The following ANO10 variants were observed in gnomAD, a reference collection of about 807,000 sequenced individuals.
The protein encoded by ANO10 is anoctamin 10, also known as anoctamin-10.
In ANO10, 77 loss-of-function variants were observed where a neutral mutation model predicts 74.7. The observed-to-expected ratio is 1.03, with a 90% CI of 0.86 to 1.25. ANO10 has a LOEUF of 1.25. ANO10 is among the 50% of genes most tolerant of loss of function. The pLI, the probability that ANO10 is intolerant of heterozygous loss-of-function variation, is 0.00. For synonymous variants in ANO10, 279 were observed against 284.9 expected, an observed-to-expected ratio of 0.98 and a Z score of 0.21; for missense variants, 721 against 778.1, an observed-to-expected ratio of 0.93 and a Z score of 0.87.
chr3:43,613,257 G>A (rs1282333209), intron 1 of ANO10, among the ~76,000 whole-genome samples: 1 of 152,090 alleles, frequency 6.6e-6, no homozygotes, highest in African/African-American at 2.4e-5. Context: ...AACATGCTAG[G>A]TTCAATGAAG....
At chr3:43,466,866 A>G (rs775282544) in intron 11 of ANO10, among the ~76,000 whole-genome samples, 1 of 152,244 alleles carries the variant, frequency 6.6e-6, no homozygotes, top group Non-Finnish European at 1.5e-5. Flanking sequence ...ATATTTGACA[A>G]TTAACTTGTG....
At chr3:43,664,882 A>G (rs1488677438) in intron 1 of ANO10, among the ~76,000 whole-genome samples, 1 of 152,072 alleles carries the variant, frequency 6.6e-6, no homozygotes, top group African/African-American at 2.4e-5. Context: ...GAAACAACAG[A>G]TGCTGGAGAG....
At chr3:43,466,381 A>C (rs2075619703) in intron 11 of ANO10, among the ~76,000 whole-genome samples, 1 of 91,298 alleles carries the variant, frequency 1.1e-5, no homozygotes, top group South Asian at 4.4e-4. Flanking sequence ...AAAAAAAAAA[A>C]AAAAAACAAA....
At chr3:43,457,542 G>T (rs181002056) in intron 11 of ANO10, among the ~76,000 whole-genome samples, 1 of 152,266 alleles carries the variant, frequency 6.6e-6, no homozygotes, top group Admixed American at 6.5e-5. Context: ...AGAACAGTAT[G>T]GGGGAAACCA....
At chr3:43,418,143 G>A (rs1405342813) in intron 12 of ANO10, among the ~76,000 whole-genome samples, 1 of 152,194 alleles carries the variant, frequency 6.6e-6, no homozygotes, top group Non-Finnish European at 1.5e-5. Flanking sequence ...TGGGGGTGGT[G>A]GCAGGTGCCT....
intron 11 of ANO10, among the ~76,000 whole-genome samples, chr3:43,479,745 C>T (rs370769247): frequency 6.6e-6 from 1 of 152,138 alleles, no homozygotes; most frequent in East Asian, 1.9e-4. Context: ...AAAATGATAG[C>T]CCACAGTGCC....
At chr3:43,372,276 G>C (rs1048692119) in intron 12 of ANO10, among the ~76,000 whole-genome samples, 13 of 151,908 alleles carry the variant, frequency 8.6e-5, no homozygotes, top group African/African-American at 3.1e-4. Context: ...CCCTCTACCT[G>C]TCACACACGC....
At chr3:43,667,656 T>C (rs765606249) in intron 1 of ANO10, among the ~76,000 whole-genome samples, 4 of 152,174 alleles carry the variant, frequency 2.6e-5, no homozygotes, top group Non-Finnish European at 4.4e-5. Flanking sequence ...TGCATCCTCA[T>C]AGCTTAGCTC....
At chr3:43,594,875 TAAA>T (rs1337389464) in intron 4 of ANO10, among the ~76,000 whole-genome samples, 13 of 151,250 alleles carry the variant, frequency 8.6e-5, no homozygotes, top group African/African-American at 2.9e-4. Context: ...GCAAGACTAA[TAAA>T]GAAGAAAAGA....
chr3:43,656,490 G>A (rs1346193032), intron 1 of ANO10, among the ~76,000 whole-genome samples: 3 of 152,200 alleles, frequency 2.0e-5, no homozygotes, highest in African/African-American at 4.8e-5. Flanking sequence ...GGTACTCGTC[G>A]GGGAGGCTCG....
chr3:43,409,657 CAT>C (rs1486736987), intron 12 of ANO10, among the ~76,000 whole-genome samples: 2 of 152,172 alleles, frequency 1.3e-5, no homozygotes, highest in African/African-American at 2.4e-5. Flanking sequence ...AAATACAGTT[CAT>C]GTTACTTACA....
chr3:43,593,538 A>C lies in ANO10; in HGVS notation c.472+4994T>G, dbSNP rs58808315. On this transcript the variant is annotated intron_variant, in intron 4 of 12. Coordinates refer to ENST00000292246, the MANE Select transcript of ANO10 (RefSeq NM_018075.5). Reference sequence around the variant, plus strand: ...TTCATAAGTGAAGGACAAATAAAATACTTTACAGACGAGCAAATGCTGAAA... The same window carrying C: ...TTCATAAGTGAAGGACAAATAAAATCCTTTACAGACGAGCAAATGCTGAAA... Among the ~76,000 whole-genome samples the C allele has an allele frequency of 0.012, 1,837 of 152,270 alleles. 162 individuals are homozygous for C. The East Asian group carries it at 0.23, about 19-fold the overall frequency.
At chr3:43,621,420 AGCCTAGTCC>A (rs1334587252) in intron 1 of ANO10, among the ~76,000 whole-genome samples, 2 of 152,080 alleles carry the variant, frequency 1.3e-5, no homozygotes, top group Non-Finnish European at 2.9e-5. Flanking sequence ...GCTTGGAGAC[AGCCTAGTCC>A]GCCCTGATCC....
At chr3:43,601,489 C>A (rs2082335099) in intron 2 of ANO10, among the ~76,000 whole-genome samples, 1 of 152,216 alleles carries the variant, frequency 6.6e-6, no homozygotes, top group Admixed American at 6.5e-5. Context: ...AGCCACAGCG[C>A]CCGGCCTCAA....
intron 1 of ANO10, among the ~76,000 whole-genome samples, chr3:43,689,691 TA>T (rs2084326242): frequency 6.6e-6 from 1 of 152,192 alleles, no homozygotes; most frequent in Admixed American, 6.5e-5. Context: ...CTGTAACAAT[TA>T]CACAAGGCTG....
intron 11 of ANO10, among the ~76,000 whole-genome samples, chr3:43,469,884 G>A (rs1476945259): frequency 6.6e-6 from 1 of 152,154 alleles, no homozygotes; most frequent in Non-Finnish European, 1.5e-5. Flanking sequence ...CAAGGAATTT[G>A]ATCATCTGCT....
chr3:43,528,643 G>C (rs971405180), intron 11 of ANO10, among the ~76,000 whole-genome samples: 2 of 151,814 alleles, frequency 1.3e-5, no homozygotes, highest in African/African-American at 2.4e-5. Context: ...AAAAATAAAA[G>C]AAAAATATGT....
intron 8 of ANO10, among the ~76,000 whole-genome samples, chr3:43,563,850 G>T (rs1158451795): frequency 6.6e-6 from 1 of 152,122 alleles, no homozygotes; most frequent in Non-Finnish European, 1.5e-5. Flanking sequence ...GGCTGGGTGG[G>T]TGTGTGTTGG....
intron 12 of ANO10, among the ~76,000 whole-genome samples, chr3:43,417,628 G>A (rs746345181): frequency 3.9e-5 from 6 of 151,962 alleles, no homozygotes; most frequent in Non-Finnish European, 5.9e-5. Context: ...GCAAGACGAC[G>A]AACCCCAGGT....
Sources: gnomAD v4.1 joint callset for allele counts (sites outside exome capture counted in the v4.1 genomes callset) on GRCh38, gnomAD v4.1.1 for gene constraint, MANE v1.5 for transcripts, NCBI Gene and HGNC (gene_info 2026-07-23, HGNC 2026-07-21) for gene names.